Variants in DPP10 observed in about 807,000 individuals in gnomAD.
The protein encoded by DPP10 is dipeptidyl peptidase like 10, also known as inactive dipeptidyl peptidase 10.
A neutral mutation model predicts 120.9 loss-of-function variants in DPP10; 33 were observed. The observed-to-expected ratio is 0.27, with a 90% confidence interval of 0.21 to 0.37. The LOEUF (loss-of-function observed/expected upper bound fraction) is 0.37. Among genes scored for constraint, DPP10 ranks in the 10% least tolerant of loss-of-function variants. The pLI, the probability that DPP10 is intolerant of heterozygous loss-of-function variation, is 1.00. For missense variants in DPP10, 816 were observed against 942.8 expected (o/e 0.87, Z 1.76); for synonymous variants, 337 against 326.1 (o/e 1.03, Z -0.36).
intron 1 of DPP10, among the ~76,000 whole-genome samples, chr2:115,199,545 G>GGA (rs1324032168): frequency 1.3e-5 from 2 of 151,898 alleles, no homozygotes; most frequent in Non-Finnish European, 2.9e-5. Context: ...CAAATTCCTG[G>GGA]GAGGCCCGTT....
chr2:114,541,715 AT>A (rs1472987498), intron 1 of DPP10, among the ~76,000 whole-genome samples: 2 of 152,128 alleles, frequency 1.3e-5, no homozygotes, highest in African/African-American at 4.8e-5. Flanking sequence ...GAAAGTTTAA[AT>A]TTTTTTCCTA....
intron 4 of DPP10, 21 bp downstream of exon 4, chr2:115,499,625 T>G (rs2076580367): frequency 6.4e-7 from 1 of 1,567,866 alleles, no homozygotes. Flanking sequence ...AATAATTAAT[T>G]ACTTTATGCA....
At chr2:115,576,805 C>T (rs1027392927) in intron 5 of DPP10, among the ~76,000 whole-genome samples, 2 of 152,172 alleles carry the variant, frequency 1.3e-5, no homozygotes, top group Admixed American at 1.3e-4. Context: ...AGCATAACTT[C>T]CTCACCTCAA....
Position 115,842,464 on chromosome 2 carries a change from G to A in DPP10, c.*119G>A. 1.6e-6 allele frequency: 2 copies of A among 1,213,808 alleles called. No individual in the cohort carries two copies. Among genetic ancestry groups the A allele is most frequent in the East Asian group, 2.5e-5 (1 of 40,666 alleles). 75.2% of individuals were successfully genotyped at this position (1,213,808 alleles called of 1,614,324 possible). ...GGCAGCTTACGGAGATGTCACTGGAGCAGCACGCTCAGAGACAGTGAACTA... is the reference window on the plus strand; with the variant it reads ...GGCAGCTTACGGAGATGTCACTGGAACAGCACGCTCAGAGACAGTGAACTA... On this transcript the variant is annotated 3_prime_UTR_variant, in exon 26 of 26. Coordinates refer to ENST00000410059, the MANE Select transcript of DPP10 (RefSeq NM_020868.6).
chr2:115,456,627 G>C (rs1262863437), intron 3 of DPP10, among the ~76,000 whole-genome samples: 1 of 152,124 alleles, frequency 6.6e-6, no homozygotes, highest in Non-Finnish European at 1.5e-5. Context: ...ATACTATGCA[G>C]CCATAAAAAA....
At chr2:114,751,069 T>A (rs1239657767) in intron 1 of DPP10, among the ~76,000 whole-genome samples, 1 of 152,174 alleles carries the variant, frequency 6.6e-6, no homozygotes. Context: ...GATGTCTGCT[T>A]TTTTCCTTGG....
intron 1 of DPP10, among the ~76,000 whole-genome samples, chr2:114,638,226 C>A (rs10172739): frequency 6.6e-6 from 1 of 151,494 alleles, no homozygotes; most frequent in Non-Finnish European, 1.5e-5. Flanking sequence ...TAGGTATGTC[C>A]ATTTTTTTGC....
chr2:115,685,589 A>G (rs1216950385), intron 5 of DPP10, among the ~76,000 whole-genome samples: 1 of 152,070 alleles, frequency 6.6e-6, no homozygotes, highest in African/African-American at 2.4e-5. Flanking sequence ...TTAGTATTCA[A>G]TAGTCATTTA....
intron 1 of DPP10, among the ~76,000 whole-genome samples, chr2:115,244,938 C>G (rs1176846191): frequency 6.6e-6 from 1 of 151,608 alleles, no homozygotes; most frequent in East Asian, 1.9e-4. Flanking sequence ...TTTGGTGTAT[C>G]TGTCACCCAA....
At chr2:115,260,498 A>G (rs2059205283) in intron 1 of DPP10, among the ~76,000 whole-genome samples, 1 of 152,224 alleles carries the variant, frequency 6.6e-6, no homozygotes, top group African/African-American at 2.4e-5. Context: ...AAATGAGTCC[A>G]TAAACACAAT....
chr2:114,813,941 AACACAC>A (rs375858356), intron 1 of DPP10, among the ~76,000 whole-genome samples: 9,158 of 139,370 alleles, frequency 0.066, 590 homozygotes, highest in African/African-American at 0.17. Context: ...GGCACGCATG[AACACAC>A]ACACACACAC....
intron 1 of DPP10, among the ~76,000 whole-genome samples, chr2:115,012,042 A>G (rs2105095938): frequency 6.6e-6 from 1 of 152,146 alleles, no homozygotes; most frequent in East Asian, 1.9e-4. Flanking sequence ...AACCTGGATG[A>G]GTAAGCAGAG....
chr2:115,011,746 T>G (rs1284698077), intron 1 of DPP10, among the ~76,000 whole-genome samples: 1 of 152,166 alleles, frequency 6.6e-6, no homozygotes, highest in African/African-American at 2.4e-5. Flanking sequence ...CTCCAAGAAC[T>G]ACTGCAAGAA....
chr2:115,316,003 A>T (rs1036560628), intron 2 of DPP10, among the ~76,000 whole-genome samples: 1 of 152,184 alleles, frequency 6.6e-6, no homozygotes, highest in Non-Finnish European at 1.5e-5. Context: ...AGTTACTCTC[A>T]TAATGTTAGA....
At chr2:115,505,969 G>A (rs1575044045) in intron 4 of DPP10, among the ~76,000 whole-genome samples, 1 of 150,186 alleles carries the variant, frequency 6.7e-6, no homozygotes, top group South Asian at 2.1e-4. Flanking sequence ...TACAATTATA[G>A]TTTATAAACT....
chr2:115,033,685 A>G (rs1266430742), intron 1 of DPP10, among the ~76,000 whole-genome samples: 1 of 134,440 alleles, frequency 7.4e-6, no homozygotes, highest in African/African-American at 2.7e-5. Flanking sequence ...TTTTACCGCA[A>G]TATCTTCCCT....
At chr2:114,827,557 TG>T (rs1337251618) in intron 1 of DPP10, among the ~76,000 whole-genome samples, 7 of 152,224 alleles carry the variant, frequency 4.6e-5, no homozygotes, top group African/African-American at 1.4e-4. Context: ...GGTATATACC[TG>T]GACTCCTAGT....
chr2:114,538,880 T>C (rs1252077643), intron 1 of DPP10, among the ~76,000 whole-genome samples: 1 of 152,176 alleles, frequency 6.6e-6, no homozygotes. Context: ...TTCCCTTCTC[T>C]GTCGTTAGGC....
chr2:114,821,263 C>T (rs1372107437), intron 1 of DPP10, among the ~76,000 whole-genome samples: 4 of 152,158 alleles, frequency 2.6e-5, no homozygotes, highest in Non-Finnish European at 5.9e-5. Context: ...ATGTTCTACA[C>T]ACTGGGGATA....
Sources: gnomAD v4.1 joint callset for allele counts (sites outside exome capture counted in the v4.1 genomes callset) on GRCh38, gnomAD v4.1.1 for gene constraint, MANE v1.5 for transcripts, NCBI Gene and HGNC (gene_info 2026-07-23, HGNC 2026-07-21) for gene names.